The following SFMBT1 variants were observed in gnomAD, a reference collection of about 807,000 sequenced individuals.
The protein encoded by SFMBT1 is Scm like with four mbt domains 1, also known as scm-like with four MBT domains protein 1.
SFMBT1 carries 32 observed loss-of-function variants against 108.7 expected under a neutral mutation model. The observed-to-expected ratio is 0.29, with a 90% CI of 0.22 to 0.40. The LOEUF is 0.40. Ranked by LOEUF, SFMBT1 falls within the 10% of genes least tolerant of loss-of-function variation. SFMBT1 has a pLI of 1.00. For missense variants in SFMBT1, 816 were observed against 1,059.6 expected (o/e 0.77, Z 3.19); for synonymous variants, 348 against 369.5 (o/e 0.94, Z 0.67).
chr3:52,996,588 A>G (rs1210550820), intron 1 of SFMBT1, among the ~76,000 whole-genome samples: 2 of 150,256 alleles, frequency 1.3e-5, no homozygotes, highest in African/African-American at 4.8e-5. Context: ...AAGCACATGA[A>G]AAGATAATTA....
At chr3:52,974,399 C>T (rs1281768865) in intron 1 of SFMBT1, among the ~76,000 whole-genome samples, 1 of 152,186 alleles carries the variant, frequency 6.6e-6, no homozygotes, top group African/African-American at 2.4e-5. Context: ...CTTATATTTC[C>T]TGTTCCCATT....
intron 2 of SFMBT1, among the ~76,000 whole-genome samples, chr3:52,966,005 C>CAA (rs775989805): frequency 0.17 from 9,115 of 54,810 alleles, 1,572 homozygotes; most frequent in East Asian, 0.22. Flanking sequence ...GACTCCGTTT[C>CAA]AAAAAAAAAA....
At chr3:52,956,107 CAT>C (rs1365481115) in intron 2 of SFMBT1, among the ~76,000 whole-genome samples, 4 of 152,222 alleles carry the variant, frequency 2.6e-5, no homozygotes, top group African/African-American at 7.2e-5. Flanking sequence ...ATAAAAACCA[CAT>C]GATTATCTCA....
intron 1 of SFMBT1, among the ~76,000 whole-genome samples, chr3:53,012,387 C>T (rs1698971961): frequency 6.6e-6 from 1 of 151,932 alleles, no homozygotes; most frequent in African/African-American, 2.4e-5. Context: ...GACAGAAGTG[C>T]CTTGCAGTGA....
chr3:52,958,929 T>C (rs1012053621), intron 2 of SFMBT1, among the ~76,000 whole-genome samples: 19 of 152,276 alleles, frequency 1.2e-4, no homozygotes, highest in Admixed American at 1.2e-3. Flanking sequence ...ATATACACCA[T>C]GGAATACTAT....
intron 1 of SFMBT1, among the ~76,000 whole-genome samples, chr3:53,016,540 T>A (rs1699132802): frequency 6.6e-6 from 1 of 152,234 alleles, no homozygotes; most frequent in Non-Finnish European, 1.5e-5. Context: ...TATCCCCGTG[T>A]TTTAATTTGC....
At chr3:53,019,137 T>A (rs1699218680) in intron 1 of SFMBT1, 1 of 151,976 alleles carries the variant, frequency 6.6e-6, no homozygotes, top group South Asian at 2.1e-4. Context: ...AGAAAAAAAT[T>A]TTTTTAATTA....
At chr3:53,007,251 G>A (rs1223726425) in intron 1 of SFMBT1, among the ~76,000 whole-genome samples, 1 of 152,098 alleles carries the variant, frequency 6.6e-6, no homozygotes, top group African/African-American at 2.4e-5. Context: ...TTCTAAACAA[G>A]ACCTCTTTTC....
chr3:52,931,084 T>A (rs370816290), intron 6 of SFMBT1, 49 bp from the exon 7 acceptor site: 466 of 1,536,706 alleles, frequency 3.0e-4, no homozygotes, highest in Non-Finnish European at 3.9e-4. Flanking sequence ...AACTTATACT[T>A]TTTACCTGTC....
chr3:53,027,183 A>T (rs2106951541), intron 1 of SFMBT1, among the ~76,000 whole-genome samples: 1 of 152,238 alleles, frequency 6.6e-6, no homozygotes, highest in East Asian at 1.9e-4. Context: ...AAAAATTCTT[A>T]CACTAATAAT....
In SFMBT1 at chr3:53,008,008, T is replaced by C. The variant is rs546609469; in HGVS notation, c.-131+37808A>G. On this transcript the variant is annotated intron_variant, in intron 1 of 20. Coordinates refer to ENST00000394752, the MANE Select transcript of SFMBT1 (RefSeq NM_016329.4). ...AAGTCAAAAGAAGGCTGAGAAAGAC[T>C]TGGCAACTAAAAGCAAAGCATGTGA... Among the ~76,000 whole-genome samples the C allele has an allele frequency of 2.5e-3, 376 of 152,108 alleles. 2 individuals carry two copies. Among genetic ancestry groups the C allele is most frequent in the African/African-American group, 8.6e-3 (357 of 41,494 alleles).
chr3:52,928,647 T>TATAC (rs1553635171), intron 8 of SFMBT1, among the ~76,000 whole-genome samples: 1 of 108,038 alleles, frequency 9.3e-6, no homozygotes, highest in African/African-American at 3.4e-5. Flanking sequence ...CATATATATA[T>TATAC]ATATATACAC....
intron 1 of SFMBT1, among the ~76,000 whole-genome samples, chr3:52,973,637 G>C (rs1463336010): frequency 1.3e-5 from 2 of 151,636 alleles, no homozygotes; most frequent in Admixed American, 1.3e-4. Flanking sequence ...TCCCATCTTG[G>C]TGGGGTTTTT....
intron 1 of SFMBT1, among the ~76,000 whole-genome samples, chr3:52,973,386 A>G (rs1704414310): frequency 6.6e-6 from 1 of 152,190 alleles, no homozygotes; most frequent in African/African-American, 2.4e-5. Context: ...GAAATTTTAA[A>G]TACTTCTAAG....
rs1012447103 is a variant in SFMBT1, at chr3:53,007,066, T to C, written c.-130-37808A>G. ...CTGGTCCCTGATCCCAGCAGACACA[T>C]GCTCACTAAATATGTGACAGATGGG... On this transcript the variant is annotated intron_variant, in intron 1 of 20. Coordinates refer to ENST00000394752, the MANE Select transcript of SFMBT1 (RefSeq NM_016329.4). 4.6e-5 allele frequency among the ~76,000 whole-genome samples: 7 copies of C among 152,220 alleles called. No homozygotes were observed. The South Asian group carries it at 1.0e-3, about 23-fold the overall frequency.
chr3:52,931,984 T>C lies in SFMBT1; in HGVS notation c.700+78A>G, dbSNP rs1003138012. 10 of 1,468,598 alleles carry C rather than the reference T, an allele frequency of 6.8e-6. 1 individual carries two copies. The highest frequency in any genetic ancestry group is 5.5e-6 in the Non-Finnish European group (6 of 1,090,310). The allele number at this position is 1,468,598 out of a possible 1,614,324, so 91.0% of individuals were successfully genotyped here. A position where few individuals can be genotyped will look rare whatever the true frequency, so the allele number is the denominator to read the frequency against. On this transcript the variant is annotated intron_variant, in intron 6 of 20. Coordinates refer to ENST00000394752, the MANE Select transcript of SFMBT1 (RefSeq NM_016329.4). ...ACAAAGGTTTTCATAATATGCAGAA[T>C]ATATTTTTTCAGCCTCATAGATATT... is the stretch of plus-strand genomic sequence containing the variant.
At chr3:52,924,796 T>C (rs1702612364) in intron 10 of SFMBT1, among the ~76,000 whole-genome samples, 1 of 152,230 alleles carries the variant, frequency 6.6e-6, no homozygotes, top group Non-Finnish European at 1.5e-5. Context: ...GACAGATTTC[T>C]TGATGTGACT....
intron 1 of SFMBT1, among the ~76,000 whole-genome samples, chr3:53,039,201 G>A (rs1699957904): frequency 6.6e-6 from 1 of 152,156 alleles, no homozygotes; most frequent in African/African-American, 2.4e-5. Context: ...TCTTCCAAGG[G>A]AGGTAAACAA....
At chr3:52,993,759 C>T (rs935748778) in intron 1 of SFMBT1, among the ~76,000 whole-genome samples, 1 of 149,784 alleles carries the variant, frequency 6.7e-6, no homozygotes, top group African/African-American at 2.4e-5. Context: ...AAATAGCAAG[C>T]GCTCAATATA....
Sources: allele counts gnomAD v4.1 joint callset (sites outside exome capture counted in the v4.1 genomes callset), GRCh38; gene constraint gnomAD v4.1.1; transcripts MANE v1.5; gene names NCBI Gene and HGNC (gene_info 2026-07-23, HGNC 2026-07-21).